LMBR1: variants seen among roughly 807,000 people sequenced by gnomAD.
The protein encoded by LMBR1 is limb region 1 protein homolog.
LMBR1 carries 52 observed loss-of-function variants against 73.9 expected under a neutral mutation model. The ratio of observed to expected loss-of-function variants is 0.70; its 90% confidence interval spans 0.56 to 0.89. The LOEUF is 0.89. LMBR1 is among the 40% of genes least tolerant of loss of function. LMBR1 has a pLI of 0.00. For synonymous variants in LMBR1, 215 were observed against 209.4 expected, an observed-to-expected ratio of 1.03 and a Z score of -0.23; for missense variants, 539 against 579.8, an observed-to-expected ratio of 0.93 and a Z score of 0.72.
chr7:156,848,773 A>C (rs984543451), intron 1 of LMBR1, among the ~76,000 whole-genome samples: 46 of 152,202 alleles, frequency 3.0e-4, no homozygotes, highest in African/African-American at 1.1e-3. Flanking sequence ...TCTACTAAAA[A>C]TACAAAGATT....
At chr7:156,704,317 A>T (rs1217187421) in intron 15 of LMBR1, among the ~76,000 whole-genome samples, 2 of 152,084 alleles carry the variant, frequency 1.3e-5, no homozygotes, top group East Asian at 3.8e-4. Flanking sequence ...AACACCAACA[A>T]ACCCACAGCT....
intron 16 of LMBR1, among the ~76,000 whole-genome samples, chr7:156,686,436 A>G (rs1429755887): frequency 6.6e-6 from 1 of 152,242 alleles, no homozygotes; most frequent in African/African-American, 2.4e-5. Flanking sequence ...TACAAGTCTC[A>G]GCTAAATCCC....
intron 15 of LMBR1, among the ~76,000 whole-genome samples, chr7:156,716,344 G>A (rs1813208248): frequency 6.6e-6 from 1 of 152,186 alleles, no homozygotes; most frequent in Non-Finnish European, 1.5e-5. Flanking sequence ...ATCAATTTTA[G>A]TCATGAGGAT....
intron 1 of LMBR1, among the ~76,000 whole-genome samples, chr7:156,876,565 T>C (rs950233522): frequency 3.9e-5 from 6 of 152,172 alleles, no homozygotes; most frequent in Admixed American, 2.6e-4. Context: ...GACCGTATGA[T>C]AGGACACAAA....
intron 1 of LMBR1, among the ~76,000 whole-genome samples, chr7:156,848,730 T>C (rs1318017480): frequency 6.6e-6 from 1 of 152,002 alleles, no homozygotes; most frequent in African/African-American, 2.4e-5. Flanking sequence ...TCAGGAGTTC[T>C]AGAACAACCT....
At chr7:156,886,919 G>A (rs984971442) in intron 1 of LMBR1, among the ~76,000 whole-genome samples, 3 of 152,114 alleles carry the variant, frequency 2.0e-5, no homozygotes, top group Admixed American at 6.6e-5. Context: ...ATACTGAGGC[G>A]TGTCAGATGT....
intron 9 of LMBR1, among the ~76,000 whole-genome samples, chr7:156,743,927 T>C (rs1229742260): frequency 2.0e-5 from 3 of 152,188 alleles, no homozygotes; most frequent in African/African-American, 7.2e-5. Context: ...GTTTTAACAA[T>C]ATTTAGTTCA....
chr7:156,752,969 T>TG lies in LMBR1; in HGVS notation c.757+3423dup, dbSNP rs574389274. Among the ~76,000 whole-genome samples, 298 of 138,384 alleles carry TG rather than the reference T, an allele frequency of 2.2e-3. 1 individual carries two copies. The highest frequency in any genetic ancestry group is 0.012 in the Middle Eastern group (3 of 256). 90.8% of individuals were successfully genotyped at this position (138,384 alleles called of 152,430 possible). A position where few individuals can be genotyped will look rare whatever the true frequency, so the allele number is the denominator to read the frequency against. ...AGGAAGTAGGGGGATGGGGAAATGATGGGGGGTGAGAAAAAGGTGTTAGGA... is the reference window on the plus strand; with the variant it reads ...AGGAAGTAGGGGGATGGGGAAATGATGGGGGGGTGAGAAAAAGGTGTTAGGA... On this transcript the variant is annotated intron_variant, in intron 9 of 16. Transcript: ENST00000353442.
chr7:156,885,220 G>A lies in LMBR1; in HGVS notation c.66+7708C>T, dbSNP rs374346935. ...ATACAAAAATTAGCCAGGCATGGTG[G>A]CAGGCGCCTGTAATCCCAGCTACTT... On this transcript the variant is annotated intron_variant, in intron 1 of 16. Coordinates refer to ENST00000353442, the MANE Select transcript of LMBR1 (RefSeq NM_022458.4). Among the ~76,000 whole-genome samples, 73 of 152,224 alleles carry A rather than the reference G, an allele frequency of 4.8e-4. 1 individual carries two copies. The South Asian group carries it at 0.014, about 30-fold the overall frequency.
intron 4 of LMBR1, among the ~76,000 whole-genome samples, chr7:156,819,747 T>A (rs1006800107): frequency 2.6e-5 from 4 of 151,928 alleles, no homozygotes; most frequent in African/African-American, 9.7e-5. Context: ...CCAGTCAGAG[T>A]AGGGGCTTAT....
At chr7:156,799,280 CCG>C (rs373430937) in intron 4 of LMBR1, among the ~76,000 whole-genome samples, 1 of 152,086 alleles carries the variant, frequency 6.6e-6, no homozygotes, top group African/African-American at 2.4e-5. Context: ...TTTGCAGATA[CCG>C]TGTGACGGTT....
intron 15 of LMBR1, among the ~76,000 whole-genome samples, chr7:156,697,100 G>T (rs1808446315): frequency 6.6e-6 from 1 of 152,182 alleles, no homozygotes; most frequent in African/African-American, 2.4e-5. Context: ...GCCGCCAGGG[G>T]TGACATCACA....
intron 9 of LMBR1, among the ~76,000 whole-genome samples, chr7:156,744,067 T>C (rs960065276): frequency 2.6e-5 from 4 of 152,144 alleles, no homozygotes; most frequent in African/African-American, 9.7e-5. Context: ...TCTTTGGGAA[T>C]ATATGAATTT....
chr7:156,769,399 T>C (rs1224921742), intron 5 of LMBR1, among the ~76,000 whole-genome samples: 1 of 152,136 alleles, frequency 6.6e-6, no homozygotes. Flanking sequence ...TCATTACAGG[T>C]AGGAGTAATG....
intron 1 of LMBR1, among the ~76,000 whole-genome samples, chr7:156,884,722 G>C (rs2134517304): frequency 6.6e-6 from 1 of 152,312 alleles, no homozygotes; most frequent in South Asian, 2.1e-4. Flanking sequence ...CCAACTACAG[G>C]TGTGCTCTTG....
chr7:156,722,930 G>A (rs1189083216), intron 15 of LMBR1, among the ~76,000 whole-genome samples: 1 of 151,996 alleles, frequency 6.6e-6, no homozygotes, highest in African/African-American at 2.4e-5. Flanking sequence ...TGATAGGTTG[G>A]CTGAAATATA....
At chr7:156,886,228 A>C (rs183945319) in intron 1 of LMBR1, among the ~76,000 whole-genome samples, 10 of 152,136 alleles carry the variant, frequency 6.6e-5, no homozygotes, top group Non-Finnish European at 1.3e-4. Context: ...GATAGCTGGG[A>C]AGCATCCTCC....
intron 1 of LMBR1, among the ~76,000 whole-genome samples, chr7:156,857,043 A>C (rs1400997159): frequency 6.6e-6 from 1 of 152,212 alleles, no homozygotes; most frequent in African/African-American, 2.4e-5. Flanking sequence ...AAGAGAGGAA[A>C]GAAAACAGAC....
chr7:156,790,092 A>G (rs1828935285), intron 5 of LMBR1, among the ~76,000 whole-genome samples: 3 of 152,046 alleles, frequency 2.0e-5, no homozygotes, highest in Non-Finnish European at 4.4e-5. Context: ...ACAAATACCT[A>G]TTTTTTTACA....
Sources: allele counts gnomAD v4.1 joint callset (sites outside exome capture counted in the v4.1 genomes callset), GRCh38; gene constraint gnomAD v4.1.1; transcripts MANE v1.5; gene names NCBI Gene and HGNC (gene_info 2026-07-23, HGNC 2026-07-21).